Variants in FBXO6 observed in about 807,000 individuals in gnomAD.
FBXO6 encodes F-box only protein 6.
In FBXO6, 13 loss-of-function variants were observed where a neutral mutation model predicts 25.0. That is an observed-to-expected ratio of 0.52 (90% CI 0.34 to 0.83). The LOEUF (loss-of-function observed/expected upper bound fraction) is 0.83. FBXO6 is among the 40% of genes least tolerant of loss of function. FBXO6 has a pLI of 0.02. For missense variants in FBXO6, 370 were observed against 380.2 expected (o/e 0.97, Z 0.22); for synonymous variants, 138 against 155.3 (o/e 0.89, Z 0.83).
chr1:11,671,404 T>C lies in FBXO6; in HGVS notation c.413+12T>C. The C allele has an allele frequency of 6.2e-7, 1 of 1,612,320 alleles. No homozygotes were observed. The highest frequency in any genetic ancestry group is 8.5e-7 in the Non-Finnish European group (1 of 1,178,494). ...GTCACATCCTACGAGTAAGGCAAAC[T>C]GAACCTACCAGGCTTGCGTGGAGGG... On this transcript the variant is annotated intron_variant, in intron 3 of 5. Coordinates refer to ENST00000376753, the MANE Select transcript of FBXO6 (RefSeq NM_018438.6).
At chr1:11,664,908 A>G (rs1640364187) in intron 1 of FBXO6, among the ~76,000 whole-genome samples, 1 of 152,214 alleles carries the variant, frequency 6.6e-6, no homozygotes, top group South Asian at 2.1e-4. Context: ...GGGGCGCAAG[A>G]AAATGCGGAC....
chr1:11,673,848 C>T lies in FBXO6; in HGVS notation c.879C>T (p.Phe293=), dbSNP rs149211049. The T allele has an allele frequency of 3.1e-3, 5,010 of 1,613,966 alleles. 41 individuals carry two copies. Among genetic ancestry groups the T allele is most frequent in the South Asian group, 0.01 (931 of 91,074 alleles). Residue 293 remains phenylalanine, a synonymous_variant, in exon 6 of 6, where the codon TTC becomes TTT. Transcript: ENST00000376753. This position sits in a 1 kb window ranked among gnomAD's most constrained non-coding sequence, Gnocchi z 4.3. ...CCTACCGAGCTGTTGTCCAGATTTTCTGACAGCTGTCCATCCTGTGTCTGG... is the reference window on the plus strand; with the variant it reads ...CCTACCGAGCTGTTGTCCAGATTTTTTGACAGCTGTCCATCCTGTGTCTGG... ...QSPYRAVVQI[F]
chr1:11,667,790 G>C (rs940276241), intron 1 of FBXO6, among the ~76,000 whole-genome samples: 9 of 152,268 alleles, frequency 5.9e-5, no homozygotes, highest in Admixed American at 5.2e-4. Context: ...AGTCTGGGAT[G>C]TAAAACTGAT....
chr1:11,667,046 C>T (rs763626239), intron 1 of FBXO6, among the ~76,000 whole-genome samples: 18 of 151,744 alleles, frequency 1.2e-4, no homozygotes, highest in Non-Finnish European at 2.5e-4. Context: ...ACTTGAGAGG[C>T]TGAGGCTGGA....
At chr1:11,671,885 C>T (rs1286733377) in intron 3 of FBXO6, 43 bp from the exon 4 acceptor site, 4 of 1,540,736 alleles carry the variant, frequency 2.6e-6, no homozygotes, top group Non-Finnish European at 3.6e-6. Context: ...GGGGGCCATG[C>T]AGAGCACACC....
intron 2 of FBXO6, 111 bp downstream of exon 2, chr1:11,669,055 C>A: frequency 7.5e-7 from 1 of 1,340,806 alleles, no homozygotes; most frequent in Non-Finnish European, 1.0e-6. Context: ...CCTAAACACC[C>A]ACCTCACTTC....
intron 1 of FBXO6, among the ~76,000 whole-genome samples, chr1:11,667,770 A>C (rs1640483546): frequency 6.6e-6 from 1 of 152,156 alleles, no homozygotes; most frequent in Non-Finnish European, 1.5e-5. Context: ...CCACTAAATG[A>C]ACATTAATGA....
intron 4 of FBXO6, 84 bp downstream of exon 4, chr1:11,672,107 G>A: frequency 8.0e-7 from 1 of 1,257,206 alleles, no homozygotes; most frequent in Non-Finnish European, 1.1e-6. Context: ...CCCATAGCAA[G>A]TGCCCACTCT....
At chr1:11,666,671 C>A (rs186117273) in intron 1 of FBXO6, among the ~76,000 whole-genome samples, 1 of 152,114 alleles carries the variant, frequency 6.6e-6, no homozygotes, top group Non-Finnish European at 1.5e-5. Flanking sequence ...CTTGAGCCAC[C>A]GCACCCGGCC....
intron 1 of FBXO6, among the ~76,000 whole-genome samples, chr1:11,664,891 G>C (rs3125811): frequency 0.58 from 87,300 of 151,682 alleles, 26,334 homozygotes; most frequent in African/African-American, 0.77. Flanking sequence ...AGGGCCGGGG[G>C]GGGGAAGGGG....
At chr1:11,667,523 CT>C (rs1640475645) in intron 1 of FBXO6, among the ~76,000 whole-genome samples, 1 of 152,202 alleles carries the variant, frequency 6.6e-6, no homozygotes, top group South Asian at 2.1e-4. Flanking sequence ...TTACCCCCTC[CT>C]TTTCACAGCT....
chr1:11,668,739 C>T lies in FBXO6; in HGVS notation c.81C>T (p.His27=), dbSNP rs778389623. 24 of 1,613,928 alleles carry T rather than the reference C, an allele frequency of 1.5e-5. No individual in the cohort carries two copies. The highest frequency in any genetic ancestry group is 5.3e-5 in the African/African-American group (4 of 74,928). The change falls in exon 2 of 6, where the codon CAC becomes CAT. Residue 27 remains histidine, a synonymous_variant. Coordinates refer to ENST00000376753, the MANE Select transcript of FBXO6 (RefSeq NM_018438.6). ...ACATCCTGCTGGAGCTGTTCACGCA[C>T]GTGCCCGCCCGCCAGCTGCTGCTGA... is the stretch of plus-strand genomic sequence containing the variant. ...PENILLELFT[H]VPARQLLLNC...
chr1:11,668,055 G>A (rs1640492458), intron 1 of FBXO6, among the ~76,000 whole-genome samples: 1 of 143,460 alleles, frequency 7.0e-6, no homozygotes, highest in Non-Finnish European at 1.5e-5. Flanking sequence ...TTGCACCACT[G>A]CACTCCAGCC....
rs561485465 is a variant in FBXO6, at chr1:11,671,730, A to G, written c.414-198A>G. On this transcript the variant is annotated intron_variant, in intron 3 of 5. Transcript: ENST00000376753. Reference sequence around the variant, plus strand: ...GACTGGGATCAAATGCCGCCCAGGCACAAGTGGGTCAAACTCCCTCCTGCA... The same window carrying G: ...GACTGGGATCAAATGCCGCCCAGGCGCAAGTGGGTCAAACTCCCTCCTGCA... Among the ~76,000 whole-genome samples, 3 of 152,328 alleles carry G rather than the reference A, an allele frequency of 2.0e-5. No individual in the cohort carries two copies. In the East Asian group the frequency reaches 5.8e-4, roughly 29 times the overall value.
intron 1 of FBXO6, among the ~76,000 whole-genome samples, chr1:11,666,548 A>AT (rs1238784996): frequency 1.1e-4 from 17 of 151,522 alleles, no homozygotes; most frequent in Non-Finnish European, 2.1e-4. Context: ...CGCCTGGCTA[A>AT]TTTTTTTGTA....
At chr1:11,670,190 G>C (rs1214097384) in intron 2 of FBXO6, among the ~76,000 whole-genome samples, 4 of 149,772 alleles carry the variant, frequency 2.7e-5, no homozygotes, top group South Asian at 4.3e-4. Context: ...TCCAGCCTGG[G>C]CAACAGAGCA....
chr1:11,674,240 C>A lies in FBXO6; in HGVS notation c.*389C>A. 4.7e-6 allele frequency: 1 copy of A among 213,774 alleles called. No homozygotes were observed. The highest frequency in any genetic ancestry group is 9.7e-6 in the Non-Finnish European group (1 of 102,866). 13.2% of individuals were successfully genotyped at this position (213,774 alleles called of 1,614,324 possible). A position where few individuals can be genotyped will look rare whatever the true frequency, so the allele number is the denominator to read the frequency against. ...AATGGCGTGAACCCGGAAGGCAGAG[C>A]TTGCAGTGAGCCGAGATCACGCCAC... On this transcript the variant is annotated 3_prime_UTR_variant, in exon 6 of 6. Transcript: ENST00000376753. The surrounding 1 kb of genome is among the most constrained non-coding windows in gnomAD (Gnocchi z 6.1).
intron 1 of FBXO6, among the ~76,000 whole-genome samples, chr1:11,664,888 G>A (rs1031349305): frequency 2.6e-5 from 4 of 151,980 alleles, no homozygotes; most frequent in Non-Finnish European, 5.9e-5. Context: ...CCCAGGGCCG[G>A]GGGGGGGAAG....
rs140359775 is a variant in FBXO6, at chr1:11,673,242, T to G, written c.510-35T>G. On this transcript the variant is annotated intron_variant, in intron 4 of 5. Transcript: ENST00000376753. This position sits in a 1 kb window ranked among gnomAD's most constrained non-coding sequence, Gnocchi z 4.3. ...CCCCACCCCTGGGGCCAGCCCTCGGTGGCTTGGACACAGGGCTCTCAACCC... is the reference window on the plus strand; with the variant it reads ...CCCCACCCCTGGGGCCAGCCCTCGGGGGCTTGGACACAGGGCTCTCAACCC... The G allele has an allele frequency of 4.4e-5, 70 of 1,591,360 alleles. No homozygotes were observed. In the African/African-American group the frequency reaches 7.5e-4, roughly 17 times the overall value.
Sources: gnomAD v4.1 joint callset for allele counts (sites outside exome capture counted in the v4.1 genomes callset) on GRCh38, gnomAD v4.1.1 for gene constraint, Gnocchi (gnomAD v3.1) non-coding constraint, MANE v1.5 for transcripts, NCBI Gene and HGNC (gene_info 2026-07-23, HGNC 2026-07-21) for gene names.